Variants in CENPU observed in about 807,000 individuals in gnomAD.
CENPU encodes the protein KSHV latent nuclear antigen interacting protein 1.
CENPU carries 46 observed loss-of-function variants against 56.7 expected under a neutral mutation model. That is an observed-to-expected ratio of 0.81 (90% CI 0.64 to 1.04). The LOEUF is 1.04. CENPU is among the 50% of genes least tolerant of loss of function. The probability of loss-of-function intolerance (pLI) is 0.00; values close to 1 mark genes in which losing one functional copy is unlikely to be tolerated. For synonymous variants in CENPU, 166 were observed against 163.0 expected (o/e 1.02, Z -0.14); for missense variants, 510 against 490.1 (o/e 1.04, Z -0.38).
chr4:184,709,771 G>A (rs1328639802), intron 8 of CENPU, among the ~76,000 whole-genome samples: 1 of 150,324 alleles, frequency 6.7e-6, no homozygotes, highest in Non-Finnish European at 1.5e-5. Flanking sequence ...CATGTACCAG[G>A]TCATGAAGAA....
intron 12 of CENPU, among the ~76,000 whole-genome samples, chr4:184,697,408 C>T (rs889282438): frequency 5.4e-5 from 8 of 148,106 alleles, no homozygotes; most frequent in African/African-American, 1.7e-4. Context: ...TTCAGCTGTC[C>T]GAGTGAAAAT....
intron 5 of CENPU, 54 bp downstream of exon 5, chr4:184,717,082 A>T: frequency 1.7e-6 from 2 of 1,178,974 alleles, no homozygotes; most frequent in Non-Finnish European, 2.5e-6. Flanking sequence ...CTGTACTTGC[A>T]TCCAATCAAA....
chr4:184,714,657 A>T (rs1269508092), intron 6 of CENPU, among the ~76,000 whole-genome samples: 1 of 152,324 alleles, frequency 6.6e-6, no homozygotes, highest in African/African-American at 2.4e-5. Context: ...AAAAAATTTT[A>T]AAAGGTATAG....
chr4:184,718,031 T>C (rs1231519062), intron 4 of CENPU, among the ~76,000 whole-genome samples: 2 of 152,200 alleles, frequency 1.3e-5, no homozygotes, highest in South Asian at 2.1e-4. Flanking sequence ...TCAAAGGCTA[T>C]GACTGACGGG....
In CENPU at chr4:184,702,124, G is replaced by A; in HGVS notation, c.889C>T (p.Gln297Ter). 1 of 1,607,702 alleles carries A rather than the reference G, an allele frequency of 6.2e-7. No homozygotes were observed. The highest frequency in any genetic ancestry group is 1.1e-5 in the South Asian group (1 of 90,702). Reference sequence around the variant, plus strand: ...TTCCTTTTCAGATTTGTCAACATCTGGCTTTCTTTAAGCTACACAAAACAA... The same window carrying A: ...TTCCTTTTCAGATTTGTCAACATCTAGCTTTCTTTAAGCTACACAAAACAA... ...EQFIKMLKES[Q>*]MLTNLKRKNA... The change falls in exon 10 of 13, where the codon CAG becomes TAG. Residue 297 changes from glutamine to a stop codon, truncating the protein, a stop_gained. Transcript: ENST00000281453. LOFTEE classifies it high-confidence loss of function.
At position 184,731,677 on chromosome 4, in the gene CENPU, G is replaced by A. The variant is rs192113644; in HGVS notation, c.48-709C>T. Among the ~76,000 whole-genome samples, 44 of 152,210 alleles carry A rather than the reference G, an allele frequency of 2.9e-4. No homozygotes were observed. In the East Asian group the frequency reaches 6.0e-3, roughly 21 times the overall value. ...ACCAGGCATCGTACAAGGGTACGGG[G>A]GGGATACTCCAGGAGAATACAGTAC... On this transcript the variant is annotated intron_variant, in intron 1 of 12. Coordinates refer to ENST00000281453, the MANE Select transcript of CENPU (RefSeq NM_024629.4).
chr4:184,724,760 C>T (rs182462349), intron 4 of CENPU, among the ~76,000 whole-genome samples, 197 bp downstream of exon 4: 6 of 152,188 alleles, frequency 3.9e-5, no homozygotes, highest in African/African-American at 1.2e-4. Context: ...GGTGTGAATT[C>T]TGTCAGTTAT....
At chr4:184,732,214 T>A (rs2150234569) in intron 1 of CENPU, among the ~76,000 whole-genome samples, 2 of 151,846 alleles carry the variant, frequency 1.3e-5, no homozygotes, top group South Asian at 4.2e-4. Flanking sequence ...GTGTACTAAG[T>A]GTGATGTAAA....
intron 3 of CENPU, among the ~76,000 whole-genome samples, chr4:184,727,905 T>C (rs746595591): frequency 1.3e-5 from 2 of 152,154 alleles, no homozygotes; most frequent in Admixed American, 6.5e-5. Flanking sequence ...GACCAGAGTC[T>C]AGGATTCCAC....
intron 3 of CENPU, among the ~76,000 whole-genome samples, chr4:184,727,524 A>C (rs562708773): frequency 6.6e-6 from 1 of 152,338 alleles, no homozygotes; most frequent in African/African-American, 2.4e-5. Flanking sequence ...AGTTTTGGTG[A>C]AGGTGTGCAG....
intron 6 of CENPU, among the ~76,000 whole-genome samples, chr4:184,713,586 A>T (rs1262718008): frequency 6.6e-6 from 1 of 152,220 alleles, no homozygotes; most frequent in Non-Finnish European, 1.5e-5. Context: ...TAAGATAACA[A>T]CATGTGGAAT....
intron 8 of CENPU, among the ~76,000 whole-genome samples, chr4:184,704,347 A>G (rs535090805): frequency 6.6e-6 from 1 of 152,242 alleles, no homozygotes; most frequent in African/African-American, 2.4e-5. Flanking sequence ...TAGATACACA[A>G]CTTACCATCA....
chr4:184,731,066 AAAAAC>A (rs2150233341), intron 1 of CENPU, 98 bp from the exon 2 acceptor site: 13 of 781,082 alleles, frequency 1.7e-5, no homozygotes, highest in South Asian at 7.9e-5. Flanking sequence ...TACCAAAAAA[AAAAAC>A]AAGAACCCAT....
At chr4:184,698,016 G>C (rs908336043) in intron 11 of CENPU, 12 of 499,316 alleles carry the variant, frequency 2.4e-5, no homozygotes, top group Non-Finnish European at 4.2e-5. Flanking sequence ...TGAATAATTA[G>C]CAGTGATATC....
At position 184,716,627 on chromosome 4, in the gene CENPU, T is replaced by C. The variant is rs1761103013; in HGVS notation, c.388A>G (p.Arg130Gly). ...TCATCACTAATGGGCCTGAGCTTTC[T>C]TCCTGGCTGTGTGAAAGAAAAAACA... ...SVKISAKKPGRKLRPISDDSE... is the reference protein window; with the variant it reads ...SVKISAKKPGGKLRPISDDSE... Residue 130 changes from arginine to glycine, a missense_variant, in exon 6 of 13, where the codon AGA becomes GGA. Arg to Gly is a moderately radical substitution (Grantham distance 125, BLOSUM62 -2). Coordinates refer to ENST00000281453, the MANE Select transcript of CENPU (RefSeq NM_024629.4). 2 of 1,612,716 alleles carry C rather than the reference T, an allele frequency of 1.2e-6. No homozygotes were observed. The highest frequency in any genetic ancestry group is 1.7e-6 in the Non-Finnish European group (2 of 1,179,338).
chr4:184,699,610 T>C (rs769745494), intron 11 of CENPU: 1 of 1,288,898 alleles, frequency 7.8e-7, no homozygotes. Flanking sequence ...AGACTCAATT[T>C]AGAAACCAAC....
intron 3 of CENPU, among the ~76,000 whole-genome samples, chr4:184,727,038 C>T (rs1256002197): frequency 6.8e-6 from 1 of 147,816 alleles, no homozygotes; most frequent in Non-Finnish European, 1.5e-5. Context: ...ATTGCTTGAA[C>T]CCAGGAGGTG....
Position 184,710,313 on chromosome 4 carries a change from G to A in CENPU, c.689-133C>T, listed in dbSNP as rs767489446. ...CTACAGCTGAACAATCAGAGAGGAG[G>A]TGCCGTACTCACTTCTTATCCCTGT... On this transcript the variant is annotated intron_variant, in intron 7 of 12. Transcript: ENST00000281453. 3.3e-4 allele frequency: 183 copies of A among 555,270 alleles called. 1 individual carries two copies. The highest frequency in any genetic ancestry group is 1.2e-3 in the South Asian group (45 of 36,696). 34.4% of individuals were successfully genotyped at this position (555,270 alleles called of 1,614,324 possible).
chr4:184,695,387 G>C lies in CENPU; in HGVS notation c.1158C>G (p.Ser386Arg), dbSNP rs369934415. Residue 386 changes from serine (S) to arginine (R), a missense_variant, in exon 13 of 13, where the codon AGC (serine) becomes AGG (arginine). Coordinates refer to ENST00000281453, the MANE Select transcript of CENPU (RefSeq NM_024629.4). The part of the protein sequence containing the change: ...PNVKETYDSS[S>R]LPALLFKART... The stretch of plus-strand genomic sequence containing the variant: ...TTGCTTTAAATAACAGAGCTGGAAG[G>C]CTGGATGAATCATACTGTTGAAAGA... The C allele has an allele frequency of 3.1e-6, 5 of 1,611,852 alleles. No individual in the cohort carries two copies. In the African/African-American group the frequency reaches 5.3e-5, roughly 17 times the overall value.
Sources: gnomAD v4.1 joint callset for allele counts (sites outside exome capture counted in the v4.1 genomes callset) on GRCh38, gnomAD v4.1.1 for gene constraint, MANE v1.5 for transcripts, NCBI Gene and HGNC (gene_info 2026-07-23, HGNC 2026-07-21) for gene names.